EPM2A: variants seen among roughly 807,000 people sequenced by gnomAD.
The protein encoded by EPM2A is EPM2A glucan phosphatase, laforin, also known as laforin.
In EPM2A, 21 loss-of-function variants were observed where a neutral mutation model predicts 26.5. The observed-to-expected ratio is 0.79, with a 90% CI of 0.56 to 1.14. The LOEUF (loss-of-function observed/expected upper bound fraction) is 1.14, where lower values mean the gene tolerates loss of function less well. Among genes scored for constraint, EPM2A ranks in the 50% most tolerant of loss-of-function variants. EPM2A has a pLI of 0.00. For missense variants in EPM2A, 458 were observed against 440.8 expected, an observed-to-expected ratio of 1.04 and a Z score of -0.35; for synonymous variants, 217 against 177.6, an observed-to-expected ratio of 1.22 and a Z score of -1.76.
intron 2 of EPM2A, among the ~76,000 whole-genome samples, chr6:145,523,652 C>T (rs1780232840): frequency 6.6e-6 from 1 of 152,188 alleles, no homozygotes; most frequent in Non-Finnish European, 1.5e-5. Flanking sequence ...CTCCCTCCCT[C>T]TTCTCCTGCC....
At chr6:145,659,578 T>C (rs1778541002) in intron 2 of EPM2A, among the ~76,000 whole-genome samples, 1 of 152,200 alleles carries the variant, frequency 6.6e-6, no homozygotes, top group African/African-American at 2.4e-5. Flanking sequence ...GCAAATCACA[T>C]ACTAAATATA....
chr6:145,735,287 G>T lies in EPM2A; in HGVS notation c.212C>A (p.Ala71Glu), dbSNP rs1263035227. Residue 71 changes from alanine (A) to glutamate (E), a missense_variant, in exon 1 of 4, where the codon GCG (alanine) becomes GAG (glutamate). Coordinates refer to ENST00000367519, the MANE Select transcript of EPM2A (RefSeq NM_005670.4). ...GCCCGGCTCCGCCCCGTCCTGCGCC[G>T]CCTCCTCGGCCGCCAGCTCCACCTC... ...LGEVELAAEE[A>E]AQDGAEPGRV... 2 of 1,474,636 alleles carry T rather than the reference G, an allele frequency of 1.4e-6. No individual in the cohort carries two copies. Among genetic ancestry groups the T allele is most frequent in the Admixed American group, 2.2e-5 (1 of 45,480 alleles). 91.3% of individuals were successfully genotyped at this position (1,474,636 alleles called of 1,614,324 possible). A position where few individuals can be genotyped will look rare whatever the true frequency, so the allele number is the denominator to read the frequency against.
At chr6:145,620,921 T>C (rs1775619581), downstream of EPM2A, among the ~76,000 whole-genome samples, 2 of 152,356 alleles carry the variant, frequency 1.3e-5, no homozygotes, top group East Asian at 3.9e-4. Context: ...ACATATCCAT[T>C]ATCTCATATA....
At chr6:145,700,369 A>AT (rs1380868443) in intron 1 of EPM2A, among the ~76,000 whole-genome samples, 8 of 151,784 alleles carry the variant, frequency 5.3e-5, no homozygotes, top group African/African-American at 1.5e-4. Flanking sequence ...CTGGTAGTTC[A>AT]TTTTTTTTCC....
chr6:145,543,340 T>G (rs966011973), intron 2 of EPM2A, among the ~76,000 whole-genome samples: 1 of 152,096 alleles, frequency 6.6e-6, no homozygotes, highest in Non-Finnish European at 1.5e-5. Context: ...AATAGCATTA[T>G]AAAAATAATA....
chr6:145,605,719 A>G lies in EPM2A; in HGVS notation c.340+29526T>C, dbSNP rs140947380. Among the ~76,000 whole-genome samples the G allele has an allele frequency of 1.6e-3, 249 of 152,282 alleles. 2 individuals are homozygous for G. Among genetic ancestry groups the G allele is most frequent in the African/African-American group, 5.8e-3 (241 of 41,586 alleles). On this transcript the variant is annotated intron_variant, in intron 2 of 3. Coordinates refer to the EPM2A transcript ENST00000450221. The stretch of plus-strand genomic sequence containing the variant: ...AAGGAATGGGGTTCCTTGGTATCAA[A>G]TTTTATATCATATTTTAACATTTAT...
intron 1 of EPM2A, chr6:145,720,820 T>C (rs527748531): frequency 3.3e-5 from 5 of 152,314 alleles, no homozygotes; most frequent in East Asian, 3.9e-4. Flanking sequence ...TCTTTGCTCA[T>C]AGAAACAGTA....
chr6:145,712,566 T>C (rs549274574), intron 1 of EPM2A, among the ~76,000 whole-genome samples: 1 of 152,258 alleles, frequency 6.6e-6, no homozygotes, highest in East Asian at 1.9e-4. Flanking sequence ...CACAAGTTGA[T>C]GGTCAAGAGA....
rs910320678 is a variant in EPM2A, at chr6:145,480,466, T to C, written c.555+22056A>G. ...ATTTGGGTAGGAACACAAACCCAAA[T>C]CTTAACAAGCTGTAAGAGATCTTTT... On this transcript the variant is annotated intron_variant, in intron 4 of 4. Coordinates refer to the EPM2A transcript ENST00000638717. Among the ~76,000 whole-genome samples, 4 of 152,218 alleles carry C rather than the reference T, an allele frequency of 2.6e-5. No homozygotes were observed. In the South Asian group the frequency reaches 6.2e-4, roughly 24 times the overall value.
chr6:145,621,963 T>G (rs1046356224), downstream of EPM2A, among the ~76,000 whole-genome samples: 4 of 152,192 alleles, frequency 2.6e-5, no homozygotes, highest in African/African-American at 9.6e-5. Flanking sequence ...CACTTGCTTA[T>G]TTTTGCTTTT....
intron 2 of EPM2A, among the ~76,000 whole-genome samples, chr6:145,508,023 G>A (rs1321753685): frequency 6.6e-6 from 1 of 152,154 alleles, no homozygotes; most frequent in African/African-American, 2.4e-5. Context: ...TGGCCCTAAG[G>A]GAGAGAGGTG....
At chr6:145,661,888 G>A (rs960197886) in intron 2 of EPM2A, among the ~76,000 whole-genome samples, 3 of 151,982 alleles carry the variant, frequency 2.0e-5, no homozygotes, top group Non-Finnish European at 4.4e-5. Flanking sequence ...CACATTCACT[G>A]CATCTCTGGG....
At chr6:145,395,350 C>T (rs1778390784) in intron 4 of EPM2A, among the ~76,000 whole-genome samples, 1 of 152,120 alleles carries the variant, frequency 6.6e-6, no homozygotes, top group Non-Finnish European at 1.5e-5. Context: ...CCCCTTTTCC[C>T]TTTTTGTCCC....
intron 1 of EPM2A, among the ~76,000 whole-genome samples, chr6:145,687,255 TC>T (rs1780989089): frequency 6.6e-6 from 1 of 151,456 alleles, no homozygotes; most frequent in South Asian, 2.1e-4. Context: ...CTTGCTCTGT[TC>T]CACCATGTGA....
In EPM2A at chr6:145,635,474, A is replaced by G. The variant is rs1383008959; in HGVS notation, c.489T>C (p.Asn163=). ...GACGAGGGCAGCTACCCAGCCAGAT[A>G]TTTGGTAGAATTCTAATGAGAACAT... ...QAMHYSRILP[N]IWLGSCPRQV... is the part of the protein sequence containing the mutation. The change falls in exon 3 of 4, where the codon AAT becomes AAC. Residue 163 remains asparagine, a synonymous_variant. Transcript: ENST00000367519. 2 of 1,613,990 alleles carry G rather than the reference A, an allele frequency of 1.2e-6. No homozygotes were observed. Among genetic ancestry groups the G allele is most frequent in the East Asian group, 4.5e-5 (2 of 44,882 alleles).
chr6:145,735,272 G>A lies in EPM2A; in HGVS notation c.227C>T (p.Ala76Val). Residue 76 changes from alanine to valine, a missense_variant, in exon 1 of 4, where the codon GCG (alanine) becomes GTG (valine). Ala to Val is a moderately conservative substitution (Grantham distance 64). Transcript: ENST00000367519. ...GAACGTGTCCACGCGGCCCGGCTCC[G>A]CCCCGTCCTGCGCCGCCTCCTCGGC... is the stretch of plus-strand genomic sequence containing the variant. ...LAAEEAAQDG[A>V]EPGRVDTFWY... The A allele has an allele frequency of 2.7e-6, 4 of 1,502,462 alleles. No homozygotes were observed. The highest frequency in any genetic ancestry group is 3.6e-6 in the Non-Finnish European group (4 of 1,123,306). The allele number at this position is 1,502,462 out of a possible 1,614,324, so 93.1% of individuals were successfully genotyped here. A position where few individuals can be genotyped will look rare whatever the true frequency, so the allele number is the denominator to read the frequency against.
intron 1 of EPM2A, among the ~76,000 whole-genome samples, chr6:145,704,691 T>G (rs1248847754): frequency 6.6e-6 from 1 of 152,188 alleles, no homozygotes; most frequent in Non-Finnish European, 1.5e-5. Context: ...GACACCTCCA[T>G]CTTTGTCCAA....
intron 2 of EPM2A, among the ~76,000 whole-genome samples, chr6:145,574,417 C>A (rs1010714866): frequency 2.6e-5 from 4 of 152,160 alleles, no homozygotes; most frequent in Admixed American, 2.6e-4. Flanking sequence ...TTGGCCCCTG[C>A]CACCTTGCGA....
chr6:145,667,723 A>G (rs1379930938), intron 2 of EPM2A, among the ~76,000 whole-genome samples: 1 of 133,890 alleles, frequency 7.5e-6, no homozygotes, highest in Non-Finnish European at 1.5e-5. Flanking sequence ...ACGTATGTTT[A>G]TTGCAGCATT....
Sources: allele counts gnomAD v4.1 joint callset (sites outside exome capture counted in the v4.1 genomes callset), GRCh38; gene constraint gnomAD v4.1.1; transcripts MANE v1.5; gene names NCBI Gene and HGNC (gene_info 2026-07-23, HGNC 2026-07-21).